CAMK1G: variants seen among roughly 807,000 people sequenced by gnomAD.
CAMK1G encodes calcium/calmodulin-dependent protein kinase type 1G.
CAMK1G carries 27 observed loss-of-function variants against 54.8 expected under a neutral mutation model. That is an observed-to-expected ratio of 0.49 (90% CI 0.36 to 0.68). The LOEUF (loss-of-function observed/expected upper bound fraction) is 0.68. Ranked by LOEUF, CAMK1G falls within the 30% of genes least tolerant of loss-of-function variation. The pLI is 0.00. For missense variants in CAMK1G, 512 were observed against 591.0 expected (o/e 0.87, Z 1.39); for synonymous variants, 238 against 224.9 (o/e 1.06, Z -0.52).
At chr1:209,606,635 T>G (rs1432664001) in intron 6 of CAMK1G, among the ~76,000 whole-genome samples, 192 bp downstream of exon 6, 1 of 152,228 alleles carries the variant, frequency 6.6e-6, no homozygotes, top group Non-Finnish European at 1.5e-5. Flanking sequence ...TCCCAAATTC[T>G]ACATTTTTAA....
chr1:209,596,526 A>G (rs1311578966), intron 2 of CAMK1G, among the ~76,000 whole-genome samples: 1 of 152,200 alleles, frequency 6.6e-6, no homozygotes, highest in Non-Finnish European at 1.5e-5. Context: ...TTATGCCTCC[A>G]ACTTTTAACT....
intron 8 of CAMK1G, among the ~76,000 whole-genome samples, chr1:209,609,528 T>C (rs774420362): frequency 5.9e-5 from 9 of 152,222 alleles, no homozygotes; most frequent in Non-Finnish European, 1.3e-4. Context: ...AGCACTCACA[T>C]GCGTGCCCAT....
At chr1:209,599,854 A>T in intron 2 of CAMK1G, 129 bp from the exon 3 acceptor site, 1 of 1,077,946 alleles carries the variant, frequency 9.3e-7, no homozygotes, top group Non-Finnish European at 1.3e-6. Context: ...TTCCAGATTT[A>T]AATTCAGTAT....
chr1:209,605,491 G>A (rs1374546992), intron 4 of CAMK1G, 45 bp from the exon 5 acceptor site: 6 of 1,596,896 alleles, frequency 3.8e-6, no homozygotes, highest in Non-Finnish European at 5.1e-6. Flanking sequence ...TCATTACTTT[G>A]AGTGAAATGA....
intron 3 of CAMK1G, among the ~76,000 whole-genome samples, chr1:209,601,077 G>A (rs1343117487): frequency 1.3e-5 from 2 of 152,210 alleles, no homozygotes; most frequent in Admixed American, 6.5e-5. Flanking sequence ...GCAAAAAGAA[G>A]TCATCAAAGG....
chr1:209,599,921 C>A, intron 2 of CAMK1G, 62 bp from the exon 3 acceptor site: 1 of 1,596,222 alleles, frequency 6.3e-7, no homozygotes, highest in South Asian at 1.1e-5. Flanking sequence ...TGAGGTCTTA[C>A]ATCTGGAAGT....
Position 209,611,782 on chromosome 1 carries a change from G to T in CAMK1G, c.916-10G>T, listed in dbSNP as rs746876613. 6.2e-7 allele frequency: 1 copy of T among 1,611,664 alleles called. No homozygotes were observed. Among genetic ancestry groups the T allele is most frequent in the African/African-American group, 1.3e-5 (1 of 74,864 alleles). ...GCAGAAGGCCAGAGGCTGCTCTTGT[G>T]TCTCCTTAGCAAGCCTTCAACGCAG... On this transcript the variant is annotated splice_polypyrimidine_tract_variant and intron_variant, in intron 10 of 12. Coordinates refer to ENST00000361322, the MANE Select transcript of CAMK1G (RefSeq NM_020439.3).
chr1:209,588,328 A>G (rs1438475031), intron 1 of CAMK1G, among the ~76,000 whole-genome samples: 1 of 151,998 alleles, frequency 6.6e-6, no homozygotes, highest in African/African-American at 2.4e-5. Flanking sequence ...AATGGATTGG[A>G]GTGGATTGGA....
Position 209,607,854 on chromosome 1 carries a change from G to A in CAMK1G, c.560-4G>A. 1.2e-6 allele frequency: 2 copies of A among 1,612,018 alleles called. No individual in the cohort carries two copies. Among genetic ancestry groups the A allele is most frequent in the Non-Finnish European group, 1.7e-6 (2 of 1,179,028 alleles). On this transcript the variant is annotated splice_polypyrimidine_tract_variant and splice_region_variant and intron_variant, in intron 6 of 12. Coordinates refer to ENST00000361322, the MANE Select transcript of CAMK1G (RefSeq NM_020439.3). ...GCCCTGACTCTGCCCTTGGTCTGCT[G>A]CAGCTCCAGAAGTGCTGGCCCAGAA...
chr1:209,592,103 T>C (rs923912674), intron 1 of CAMK1G, among the ~76,000 whole-genome samples: 6 of 151,938 alleles, frequency 3.9e-5, no homozygotes, highest in South Asian at 2.1e-4. Flanking sequence ...TCCCAGCACA[T>C]TGGGGGGCGA....
At chr1:209,598,411 C>T (rs1419974835) in intron 2 of CAMK1G, among the ~76,000 whole-genome samples, 2 of 152,220 alleles carry the variant, frequency 1.3e-5, no homozygotes, top group African/African-American at 4.8e-5. Context: ...CTGCTACCTC[C>T]AGCTGCCACT....
intron 8 of CAMK1G, 49 bp downstream of exon 8, chr1:209,609,141 T>C: frequency 6.2e-7 from 1 of 1,611,546 alleles, no homozygotes; most frequent in Non-Finnish European, 8.5e-7. Context: ...AGGTAGAGGC[T>C]GCCAAGAGAA....
intron 2 of CAMK1G, among the ~76,000 whole-genome samples, chr1:209,597,747 C>T (rs899571024): frequency 6.6e-6 from 1 of 152,120 alleles, no homozygotes; most frequent in Non-Finnish European, 1.5e-5. Flanking sequence ...TTTTAAAGTC[C>T]TTATAGAAGC....
At chr1:209,603,102 T>C in intron 3 of CAMK1G, 112 bp from the exon 4 acceptor site, 1 of 883,050 alleles carries the variant, frequency 1.1e-6, no homozygotes, top group Admixed American at 2.1e-5. Flanking sequence ...GACCTAGTCT[T>C]CCTAAACATT....
intron 4 of CAMK1G, among the ~76,000 whole-genome samples, chr1:209,603,529 C>A (rs532979995): frequency 1.0e-3 from 152 of 152,304 alleles, no homozygotes; most frequent in African/African-American, 3.4e-3. Context: ...ACCAGGACAA[C>A]CCTATCAGTG....
At chr1:209,599,829 C>T (rs1665482945) in intron 2 of CAMK1G, 154 bp from the exon 3 acceptor site, 6 of 485,456 alleles carry the variant, frequency 1.2e-5, no homozygotes, top group Non-Finnish European at 1.3e-5. Flanking sequence ...AAATTTTGTG[C>T]TTTCCTGATG....
At chr1:209,608,688 A>G (rs1255336793) in intron 7 of CAMK1G, among the ~76,000 whole-genome samples, 3 of 152,240 alleles carry the variant, frequency 2.0e-5, no homozygotes, top group Admixed American at 2.0e-4. Context: ...AACATATTTT[A>G]TATAGCATTC....
rs774645531 is a variant in CAMK1G, at chr1:209,609,030, A to G, written c.686A>G (p.Glu229Gly). The G allele has an allele frequency of 6.2e-7, 1 of 1,614,156 alleles. No homozygotes were observed. The highest frequency in any genetic ancestry group is 8.5e-7 in the Non-Finnish European group (1 of 1,180,024). Residue 229 changes from glutamate to glycine, a missense_variant, in exon 8 of 13, where the codon GAG (glutamate) becomes GGG (glycine). Physicochemically the swap from Glu to Gly is moderately conservative, Grantham distance 98 (BLOSUM62 -2). Around this residue, in one of 3 missense-constraint regions of CAMK1G, gnomAD observed 315 missense variants for 330.5 expected, o/e 0.95. Transcript: ENST00000361322. ...FYEETESKLFEKIKEGYYEFE... is the reference protein window; with the variant it reads ...FYEETESKLFGKIKEGYYEFE... ...GAAGAAACGGAGTCTAAGCTTTTCG[A>G]GAAGATCAAGGAGGGCTACTATGAG...
chr1:209,613,235 G>A lies in CAMK1G; in HGVS notation c.*233G>A. The A allele has an allele frequency of 4.0e-6, 1 of 247,220 alleles. No individual in the cohort carries two copies. Among genetic ancestry groups the A allele is most frequent in the Non-Finnish European group, 8.2e-6 (1 of 121,990 alleles). The allele number at this position is 247,220 out of a possible 1,614,324, so 15.3% of individuals were successfully genotyped here. A position where few individuals can be genotyped will look rare whatever the true frequency, so the allele number is the denominator to read the frequency against. On this transcript the variant is annotated 3_prime_UTR_variant, in exon 13 of 13. Coordinates refer to ENST00000361322, the MANE Select transcript of CAMK1G (RefSeq NM_020439.3). ...AGAAGCCTTGTTGAAGCTGTGAGCA[G>A]GAGAAGCGGTGCCCACCAGCTTCCA...
Sources: allele counts gnomAD v4.1 joint callset (sites outside exome capture counted in the v4.1 genomes callset), GRCh38; gene constraint gnomAD v4.1.1; regional missense constraint gnomAD v4.1.1; transcripts MANE v1.5; gene names NCBI Gene and HGNC (gene_info 2026-07-23, HGNC 2026-07-21).